KCNQ1: variants seen among roughly 807,000 people sequenced by gnomAD.
KCNQ1 encodes the protein potassium voltage-gated channel subfamily KQT member 1.
A neutral mutation model predicts 72.4 loss-of-function variants in KCNQ1; 49 were observed. That is an observed-to-expected ratio of 0.68 (90% CI 0.54 to 0.86). The LOEUF (loss-of-function observed/expected upper bound fraction) is 0.86, where lower values mean the gene tolerates loss of function less well. Ranked by LOEUF, KCNQ1 falls within the 40% of genes least tolerant of loss-of-function variation. KCNQ1 has a pLI of 0.00. For synonymous variants in KCNQ1, 450 were observed against 412.6 expected (o/e 1.09, Z -1.10); for missense variants, 790 against 945.1 (o/e 0.84, Z 2.15).
intron 1 of KCNQ1, among the ~76,000 whole-genome samples, chr11:2,448,828 G>A (rs893451425): frequency 3.3e-5 from 5 of 152,200 alleles, no homozygotes; most frequent in South Asian, 2.1e-4. Flanking sequence ...TCGCAGACCC[G>A]GCCCAGTGTT....
rs183369711 is a variant in KCNQ1, at chr11:2,729,050, G to A, written c.1515-39794G>A. On this transcript the variant is annotated intron_variant, in intron 11 of 15. Coordinates refer to ENST00000155840, the MANE Select transcript of KCNQ1 (RefSeq NM_000218.3). ...AACTGTAGTCACAGAACAATAGCCC[G>A]TTTATGTAGCACACTCCCACCCCCC... Among the ~76,000 whole-genome samples the A allele has an allele frequency of 2.5e-3, 386 of 152,342 alleles. 1 individual carries two copies. The highest frequency in any genetic ancestry group is 8.6e-3 in the African/African-American group (358 of 41,572).
intron 2 of KCNQ1, among the ~76,000 whole-genome samples, chr11:2,561,638 C>T (rs12292594): frequency 0.029 from 4,373 of 152,348 alleles, 106 homozygotes; most frequent in African/African-American, 0.067. Flanking sequence ...TGTCCTCACA[C>T]CAGCCTGCTC....
chr11:2,668,320 C>A lies in KCNQ1; in HGVS notation c.1514+6239C>A. On this transcript the variant is annotated intron_variant, in intron 11 of 15. Transcript: ENST00000155840. The surrounding 1 kb of genome is among the most constrained non-coding windows in gnomAD (Gnocchi z 4.3). ...AGGTTGCGTTTCTGGGGAATATATG[C>A]CTATGTGTGGAGCTGCAGGGTCCTG... 1 of 398,610 alleles carries A rather than the reference C, an allele frequency of 2.5e-6. No homozygotes were observed. The highest frequency in any genetic ancestry group is 4.4e-6 in the Non-Finnish European group (1 of 226,084). The allele number at this position is 398,610 out of a possible 1,614,324, so 24.7% of individuals were successfully genotyped here.
At chr11:2,499,846 C>T (rs1425826191) in intron 1 of KCNQ1, among the ~76,000 whole-genome samples, 1 of 152,186 alleles carries the variant, frequency 6.6e-6, no homozygotes, top group Non-Finnish European at 1.5e-5. Context: ...ACATTTCATC[C>T]AGCAATTCCA....
chr11:2,823,711 G>T (rs910327006), intron 15 of KCNQ1, among the ~76,000 whole-genome samples: 7 of 152,242 alleles, frequency 4.6e-5, no homozygotes, highest in African/African-American at 1.4e-4. Context: ...CTCCCTGAGG[G>T]AGGTGTTGTT....
rs1271097696 is a variant in KCNQ1, at chr11:2,604,740, T to C, written c.1393+15886T>C. The stretch of plus-strand genomic sequence containing the variant: ...TTTGTATTTTAGTAGAGACAGGGTT[T>C]TACCATGTTGGCCGAGATGGTCTCG... On this transcript the variant is annotated intron_variant, in intron 10 of 15. Coordinates refer to ENST00000155840, the MANE Select transcript of KCNQ1 (RefSeq NM_000218.3). 4.6e-5 allele frequency among the ~76,000 whole-genome samples: 7 copies of C among 152,094 alleles called. No individual in the cohort carries two copies. The East Asian group carries it at 1.2e-3, about 26-fold the overall frequency.
At chr11:2,535,536 C>T (rs569577249) in intron 2 of KCNQ1, among the ~76,000 whole-genome samples, 3 of 152,336 alleles carry the variant, frequency 2.0e-5, no homozygotes, top group Admixed American at 1.3e-4. Flanking sequence ...CTCCTGCCTT[C>T]CCCTTTAGTG....
In KCNQ1 at chr11:2,458,688, G is replaced by A. The variant is rs909903904; in HGVS notation, c.386+13204G>A. Among the ~76,000 whole-genome samples the A allele has an allele frequency of 1.4e-5, 2 of 139,308 alleles. No individual in the cohort carries two copies. The highest frequency in any genetic ancestry group is 2.8e-5 in the African/African-American group (1 of 35,774). 91.4% of individuals were successfully genotyped at this position (139,308 alleles called of 152,430 possible). ...GGATGGATGGATGGATGGATGGATCGATCGATCTCACCAAGCCTCGTGCTC... is the reference window on the plus strand; with the variant it reads ...GGATGGATGGATGGATGGATGGATCAATCGATCTCACCAAGCCTCGTGCTC... On this transcript the variant is annotated intron_variant, in intron 1 of 15. Coordinates refer to ENST00000155840, the MANE Select transcript of KCNQ1 (RefSeq NM_000218.3). The surrounding 1 kb of genome is among the most constrained non-coding windows in gnomAD (Gnocchi z 4.6).
Position 2,683,967 on chromosome 11 carries a change from T to G in KCNQ1, c.1514+21886T>G, listed in dbSNP as rs1850442408. 1.3e-5 allele frequency: 5 copies of G among 398,384 alleles called. No homozygotes were observed. The highest frequency in any genetic ancestry group is 2.1e-5 in the African/African-American group (1 of 48,564). 24.7% of individuals were successfully genotyped at this position (398,384 alleles called of 1,614,324 possible). On this transcript the variant is annotated intron_variant, in intron 11 of 15. Transcript: ENST00000155840. This position sits in a 1 kb window ranked among gnomAD's most constrained non-coding sequence, Gnocchi z 4.7. ...ACCAGCTGACTGCTTTTACTTTTTT[T>G]TTTTTTTCATTTAGAAGAATTTCCT...
rs1463747954 is a variant in KCNQ1 at position 2,848,472 on chromosome 11, C to A, written c.*469C>A. 2.2e-6 allele frequency: 1 copy of A among 459,828 alleles called. No individual in the cohort carries two copies. The highest frequency in any genetic ancestry group is 4.3e-6 in the Non-Finnish European group (1 of 230,826). The allele number at this position is 459,828 out of a possible 1,614,324, so 28.5% of individuals were successfully genotyped here. A position where few individuals can be genotyped will look rare whatever the true frequency, so the allele number is the denominator to read the frequency against. On this transcript the variant is annotated 3_prime_UTR_variant, in exon 16 of 16. Coordinates refer to ENST00000155840, the MANE Select transcript of KCNQ1 (RefSeq NM_000218.3). ...GCAGGGCAGGACCAGCCCACGCTGA[C>A]TACAGGGCCGCCGGCAATAAAAGCC...
chr11:2,737,796 C>A (rs1281727328), intron 11 of KCNQ1, among the ~76,000 whole-genome samples: 1 of 152,164 alleles, frequency 6.6e-6, no homozygotes, highest in African/African-American at 2.4e-5. Context: ...CAGGGTGCGA[C>A]CGTCACAGCC....
Position 2,481,367 on chromosome 11 carries a change from G to A in KCNQ1, c.386+35883G>A, listed in dbSNP as rs750896190. Among the ~76,000 whole-genome samples the A allele has an allele frequency of 6.6e-5, 10 of 152,106 alleles. No homozygotes were observed. Among genetic ancestry groups the A allele is most frequent in the Admixed American group, 1.3e-4 (2 of 15,270 alleles). On this transcript the variant is annotated intron_variant, in intron 1 of 15. Transcript: ENST00000155840. The surrounding 1 kb of genome is among the most constrained non-coding windows in gnomAD (Gnocchi z 4.6). ...TTTCTCGGCGTGTGTGTGTGCGCGC[G>A]TGCATGCACATGTTTCTACTTGGTC... is the stretch of plus-strand genomic sequence containing the variant.
chr11:2,475,663 C>G lies in KCNQ1; in HGVS notation c.386+30179C>G, dbSNP rs1846558705. Among the ~76,000 whole-genome samples the G allele has an allele frequency of 6.6e-6, 1 of 152,164 alleles. No individual in the cohort carries two copies. Among genetic ancestry groups the G allele is most frequent in the South Asian group, 2.1e-4 (1 of 4,834 alleles). On this transcript the variant is annotated intron_variant, in intron 1 of 15. Coordinates refer to ENST00000155840, the MANE Select transcript of KCNQ1 (RefSeq NM_000218.3). The surrounding 1 kb of genome is among the most constrained non-coding windows in gnomAD (Gnocchi z 5.8). ...TCATGAAGACAGTGACGTGGTTTGT[C>G]ACTGCCCGGATCTCATCTTGAATTC...
intron 10 of KCNQ1, chr11:2,638,079 C>A (rs919215337): frequency 6.6e-6 from 1 of 152,150 alleles, no homozygotes; most frequent in South Asian, 2.1e-4. Flanking sequence ...TGTCTCTGCA[C>A]GTGAGATGGG....
chr11:2,701,102 G>T (rs549871876), intron 11 of KCNQ1, among the ~76,000 whole-genome samples: 2 of 152,150 alleles, frequency 1.3e-5, no homozygotes, highest in African/African-American at 4.8e-5. Context: ...CCAGCCAAGC[G>T]AGCCAGCCGT....
intron 11 of KCNQ1, chr11:2,689,358 C>T: frequency 2.5e-6 from 1 of 398,632 alleles, no homozygotes; most frequent in Non-Finnish European, 4.4e-6. Flanking sequence ...TTTAGGTCAG[C>T]CTTGGGAAGA....
intron 15 of KCNQ1, among the ~76,000 whole-genome samples, chr11:2,811,088 G>A (rs1045438970): frequency 6.6e-6 from 1 of 152,318 alleles, no homozygotes; most frequent in South Asian, 2.1e-4. Flanking sequence ...ACCCGGGTGG[G>A]CGTGGACCCT....
Position 2,587,659 on chromosome 11 carries a change from G to A in KCNQ1, c.1218G>A (p.Leu406=), listed in dbSNP as rs890420565. The change falls in exon 9 of 16, where the codon CTG becomes CTA. Residue 406 remains leucine, a synonymous_variant. Coordinates refer to ENST00000155840, the MANE Select transcript of KCNQ1 (RefSeq NM_000218.3). ...AGGCCCCCCGGAGCCACACTCTGCTGTCACCCAGCCCCAAACCCAAGAAGT... is the reference window on the plus strand; with the variant it reads ...AGGCCCCCCGGAGCCACACTCTGCTATCACCCAGCCCCAAACCCAAGAAGT... ...IRKAPRSHTL[L]SPSPKPKKSV... The A allele has an allele frequency of 6.2e-7, 1 of 1,613,912 alleles. No homozygotes were observed. Among genetic ancestry groups the A allele is most frequent in the Non-Finnish European group, 8.5e-7 (1 of 1,180,012 alleles).
chr11:2,727,119 G>A (rs974332208), intron 11 of KCNQ1, among the ~76,000 whole-genome samples: 7 of 152,196 alleles, frequency 4.6e-5, no homozygotes, highest in Non-Finnish European at 8.8e-5. Flanking sequence ...CTGTAGGAGC[G>A]AGACAGACAT....
Sources: allele counts gnomAD v4.1 joint callset (sites outside exome capture counted in the v4.1 genomes callset), GRCh38; gene constraint gnomAD v4.1.1; non-coding constraint Gnocchi (gnomAD v3.1); transcripts MANE v1.5; gene names NCBI Gene and HGNC (gene_info 2026-07-23, HGNC 2026-07-21).